ROBO2: variants seen among roughly 807,000 people sequenced by gnomAD.
The protein encoded by ROBO2 is roundabout guidance receptor 2, also known as roundabout homolog 2.
A neutral mutation model predicts 160.8 loss-of-function variants in ROBO2; 53 were observed. The ratio of observed to expected loss-of-function variants is 0.33; its 90% CI spans 0.26 to 0.41. ROBO2 has a LOEUF of 0.41. Ranked by LOEUF, ROBO2 falls within the 10% of genes least tolerant of loss-of-function variation. The pLI, the probability that ROBO2 is intolerant of heterozygous loss-of-function variation, is 1.00. For missense variants in ROBO2, 1,577 were observed against 1,722.4 expected (o/e 0.92, Z 1.49); for synonymous variants, 664 against 611.7 (o/e 1.09, Z -1.26).
intron 2 of ROBO2, among the ~76,000 whole-genome samples, chr3:76,991,603 T>C (rs921801830): frequency 6.6e-6 from 1 of 152,210 alleles, no homozygotes; most frequent in Admixed American, 6.5e-5. Flanking sequence ...TCATTACGTT[T>C]TGAAGAGATA....
chr3:76,200,751 G>A (rs1386782017), intron 2 of ROBO2, among the ~76,000 whole-genome samples: 4 of 152,124 alleles, frequency 2.6e-5, no homozygotes, highest in Non-Finnish European at 5.9e-5. Flanking sequence ...GTGGCAAGAA[G>A]CATCATAGAA....
At chr3:76,512,630 C>G (rs1347407863) in intron 2 of ROBO2, among the ~76,000 whole-genome samples, 1 of 152,118 alleles carries the variant, frequency 6.6e-6, no homozygotes, top group African/African-American at 2.4e-5. Flanking sequence ...ACCCGGGTGG[C>G]AGAGGCAGTG....
At chr3:77,409,109 A>G (rs900367352) in intron 2 of ROBO2, among the ~76,000 whole-genome samples, 31 of 148,032 alleles carry the variant, frequency 2.1e-4, no homozygotes, top group African/African-American at 6.9e-4. Flanking sequence ...ATATGTATAT[A>G]TATATATATA....
chr3:76,735,227 A>G (rs1459020939), intron 2 of ROBO2, among the ~76,000 whole-genome samples: 3 of 152,240 alleles, frequency 2.0e-5, no homozygotes, highest in Admixed American at 6.5e-5. Flanking sequence ...AGAATATGGT[A>G]CATGTGCCCC....
intron 2 of ROBO2, among the ~76,000 whole-genome samples, chr3:77,325,404 T>C (rs955120971): frequency 4.6e-5 from 7 of 152,198 alleles, no homozygotes; most frequent in African/African-American, 1.7e-4. Flanking sequence ...CAGACGCAAC[T>C]GGGGATTTGA....
At chr3:76,645,730 T>G (rs1377367940) in intron 2 of ROBO2, among the ~76,000 whole-genome samples, 1 of 151,962 alleles carries the variant, frequency 6.6e-6, no homozygotes, top group Non-Finnish European at 1.5e-5. Flanking sequence ...AATGAATGGG[T>G]AAAAGAATGA....
At chr3:76,677,082 CA>C (rs1449897895) in intron 2 of ROBO2, among the ~76,000 whole-genome samples, 1 of 147,428 alleles carries the variant, frequency 6.8e-6, no homozygotes, top group African/African-American at 2.6e-5. Context: ...AGTTTCTAGG[CA>C]ATTTTTTTTT....
At chr3:76,153,732 A>T (rs929621542) in intron 2 of ROBO2, among the ~76,000 whole-genome samples, 1 of 152,076 alleles carries the variant, frequency 6.6e-6, no homozygotes, top group African/African-American at 2.4e-5. Context: ...TTCAAATTCC[A>T]TCTTTTAGCT....
chr3:76,377,450 G>A (rs11919678), intron 2 of ROBO2, among the ~76,000 whole-genome samples: 9,508 of 152,166 alleles, frequency 0.062, 837 homozygotes, highest in African/African-American at 0.2. Context: ...CAGAAAAAAA[G>A]TATTGGGCTT....
At chr3:76,988,841 A>G (rs1242730490) in intron 2 of ROBO2, among the ~76,000 whole-genome samples, 1 of 152,168 alleles carries the variant, frequency 6.6e-6, no homozygotes, top group Non-Finnish European at 1.5e-5. Flanking sequence ...TCGAGTATCA[A>G]ACTACAGAAG....
chr3:77,535,192 GTTTTTC>G (rs571768245), intron 6 of ROBO2, among the ~76,000 whole-genome samples: 37 of 150,498 alleles, frequency 2.5e-4, no homozygotes, highest in Non-Finnish European at 3.8e-4. Context: ...TTGGTTTCAA[GTTTTTC>G]TTTTTCTTTT....
intron 2 of ROBO2, among the ~76,000 whole-genome samples, chr3:76,130,500 G>A (rs1405133795): frequency 2.6e-5 from 4 of 152,032 alleles, no homozygotes; most frequent in Admixed American, 6.6e-5. Flanking sequence ...ACAGAACTTA[G>A]TGTATACATG....
intron 2 of ROBO2, among the ~76,000 whole-genome samples, chr3:76,471,572 G>A (rs2078657381): frequency 6.6e-6 from 1 of 152,008 alleles, no homozygotes; most frequent in African/African-American, 2.4e-5. Context: ...CATGCAAAAT[G>A]GAAGTTTTGC....
chr3:76,408,583 G>A (rs2108813706), intron 2 of ROBO2, among the ~76,000 whole-genome samples: 1 of 152,086 alleles, frequency 6.6e-6, no homozygotes, highest in Admixed American at 6.6e-5. Flanking sequence ...GAATGTGTCT[G>A]GAAAAACGTG....
At chr3:77,561,278 T>C (rs2093315203) in intron 9 of ROBO2, among the ~76,000 whole-genome samples, 1 of 152,188 alleles carries the variant, frequency 6.6e-6, no homozygotes, top group African/African-American at 2.4e-5. Context: ...CTATATTTCA[T>C]CAACAATTAG....
At chr3:76,935,126 T>C (rs1438968545) in intron 2 of ROBO2, among the ~76,000 whole-genome samples, 4 of 152,044 alleles carry the variant, frequency 2.6e-5, no homozygotes, top group Admixed American at 6.5e-5. Context: ...TAATTTTTTG[T>C]ATTTTTAGTA....
chr3:76,715,194 C>A (rs577039931), intron 2 of ROBO2, among the ~76,000 whole-genome samples: 1 of 152,192 alleles, frequency 6.6e-6, no homozygotes, highest in South Asian at 2.1e-4. Flanking sequence ...GGTGTTCCCA[C>A]AGGATCTTAT....
At chr3:75,980,258 C>G (rs1043424927) in intron 2 of ROBO2, among the ~76,000 whole-genome samples, 4 of 151,582 alleles carry the variant, frequency 2.6e-5, no homozygotes, top group Non-Finnish European at 4.4e-5. Context: ...GAGCCTCCCT[C>G]TCTGCCTTCT....
intron 2 of ROBO2, among the ~76,000 whole-genome samples, chr3:76,064,910 T>C (rs993865356): frequency 6.6e-6 from 1 of 152,164 alleles, no homozygotes; most frequent in African/African-American, 2.4e-5. Flanking sequence ...AAGAAAGGTA[T>C]GATTTTTTTT....
Sources: allele counts gnomAD v4.1 joint callset (sites outside exome capture counted in the v4.1 genomes callset), GRCh38; gene constraint gnomAD v4.1.1; transcripts MANE v1.5; gene names NCBI Gene and HGNC (gene_info 2026-07-23, HGNC 2026-07-21).